CAMKMT: variants seen among roughly 807,000 people sequenced by gnomAD.
CAMKMT encodes calmodulin-lysine N-methyltransferase.
CAMKMT carries 53 observed loss-of-function variants against 48.0 expected under a neutral mutation model. That is an observed-to-expected ratio of 1.10 (90% CI 0.89 to 1.39). The LOEUF (loss-of-function observed/expected upper bound fraction) is 1.39, where lower values mean the gene tolerates loss of function less well. Ranked by LOEUF, CAMKMT falls within the 40% of genes most tolerant of loss-of-function variation. The probability of loss-of-function intolerance (pLI) is 0.00; values close to 1 mark genes in which losing one functional copy is unlikely to be tolerated. For synonymous variants in CAMKMT, 165 were observed against 152.3 expected (o/e 1.08, Z -0.61); for missense variants, 428 against 402.7 (o/e 1.06, Z -0.54).
chr2:44,597,154 A>C (rs1005127355), intron 3 of CAMKMT, among the ~76,000 whole-genome samples: 2 of 152,202 alleles, frequency 1.3e-5, no homozygotes, highest in Admixed American at 1.3e-4. Context: ...CCCTAAGTGC[A>C]TGATGGTTGT....
At chr2:44,596,448 CA>C (rs1468834823) in intron 3 of CAMKMT, among the ~76,000 whole-genome samples, 2 of 149,444 alleles carry the variant, frequency 1.3e-5, no homozygotes, top group Non-Finnish European at 3.0e-5. Flanking sequence ...GACTCTGTCT[CA>C]AAAAAAGAAA....
intron 3 of CAMKMT, among the ~76,000 whole-genome samples, chr2:44,429,382 A>G (rs1261722184): frequency 1.3e-5 from 2 of 151,606 alleles, no homozygotes; most frequent in South Asian, 2.1e-4. Context: ...TATTCCTACT[A>G]CTGTTTCGGT....
chr2:44,559,575 T>C (rs940672439), intron 3 of CAMKMT, among the ~76,000 whole-genome samples: 1 of 152,066 alleles, frequency 6.6e-6, no homozygotes, highest in African/African-American at 2.4e-5. Flanking sequence ...GGTCTTCAGA[T>C]TTTTCACCCT....
intron 9 of CAMKMT, among the ~76,000 whole-genome samples, chr2:44,759,343 A>C (rs1680513127): frequency 6.6e-6 from 1 of 150,592 alleles, no homozygotes; most frequent in Non-Finnish European, 1.5e-5. Context: ...CTGGTCTTGA[A>C]CTCCTGGGCT....
chr2:44,484,734 A>G (rs1281489719), intron 3 of CAMKMT, among the ~76,000 whole-genome samples: 1 of 151,706 alleles, frequency 6.6e-6, no homozygotes, highest in Non-Finnish European at 1.5e-5. Context: ...AAATTGGTCT[A>G]TGTTATAATT....
intron 3 of CAMKMT, among the ~76,000 whole-genome samples, chr2:44,507,479 T>C (rs115900800): frequency 6.1e-4 from 93 of 152,326 alleles, no homozygotes; most frequent in Non-Finnish European, 1.1e-3. Context: ...CTACTTCTAA[T>C]TGGTGTACTG....
chr2:44,717,499 T>C (rs980149360), intron 7 of CAMKMT, among the ~76,000 whole-genome samples: 2 of 152,086 alleles, frequency 1.3e-5, no homozygotes, highest in Non-Finnish European at 2.9e-5. Context: ...ACCAGTACAA[T>C]GTGATGAAAG....
chr2:44,715,616 T>C (rs112557850), intron 7 of CAMKMT, among the ~76,000 whole-genome samples: 17 of 152,320 alleles, frequency 1.1e-4, no homozygotes, highest in African/African-American at 4.1e-4. Flanking sequence ...TTTATGATTA[T>C]ACAGTATGAG....
At chr2:44,453,901 A>T (rs934406083) in intron 3 of CAMKMT, among the ~76,000 whole-genome samples, 1 of 152,086 alleles carries the variant, frequency 6.6e-6, no homozygotes, top group Non-Finnish European at 1.5e-5. Flanking sequence ...AGAGTTTAAA[A>T]CAAGTAGTTT....
chr2:44,607,949 T>A (rs1431645774), intron 3 of CAMKMT, among the ~76,000 whole-genome samples: 3 of 152,026 alleles, frequency 2.0e-5, no homozygotes, highest in Non-Finnish European at 4.4e-5. Context: ...TCCACTTATA[T>A]CTCCATTCAC....
intron 7 of CAMKMT, among the ~76,000 whole-genome samples, chr2:44,724,058 C>G (rs1451849167): frequency 6.6e-6 from 1 of 152,150 alleles, no homozygotes; most frequent in Non-Finnish European, 1.5e-5. Context: ...TGTCACTTCT[C>G]TGGAATGGCA....
intron 2 of CAMKMT, among the ~76,000 whole-genome samples, chr2:44,388,934 G>T (rs1395439137): frequency 4.6e-5 from 7 of 152,160 alleles, no homozygotes; most frequent in Admixed American, 3.3e-4. Context: ...TGGAGTCCGT[G>T]AGGGTTCTTA....
rs376464292 is a variant in CAMKMT, at chr2:44,641,494, A to G, written c.377-62789A>G. Among the ~76,000 whole-genome samples, 72 of 151,888 alleles carry G rather than the reference A, an allele frequency of 4.7e-4. 1 individual carries two copies. In the South Asian group the frequency reaches 0.013, roughly 28 times the overall value. ...TAGACTCAAACACATGCATGTGACAATCATTTTTTGTTGCTGTTATAGAGC... is the reference window on the plus strand; with the variant it reads ...TAGACTCAAACACATGCATGTGACAGTCATTTTTTGTTGCTGTTATAGAGC... On this transcript the variant is annotated intron_variant, in intron 3 of 10. Transcript: ENST00000378494.
chr2:44,406,805 C>T (rs1314465827), intron 3 of CAMKMT, among the ~76,000 whole-genome samples: 1 of 152,132 alleles, frequency 6.6e-6, no homozygotes, highest in African/African-American at 2.4e-5. Context: ...CTCCATGTTG[C>T]CCAGCCAGGC....
intron 3 of CAMKMT, among the ~76,000 whole-genome samples, chr2:44,453,693 G>A (rs1309062821): frequency 3.3e-5 from 5 of 152,038 alleles, no homozygotes; most frequent in Non-Finnish European, 7.4e-5. Context: ...TGTCCATTTT[G>A]TGGAGAGGGG....
chr2:44,725,802 T>A (rs1678750048), intron 7 of CAMKMT, among the ~76,000 whole-genome samples: 1 of 151,636 alleles, frequency 6.6e-6, no homozygotes, highest in African/African-American at 2.4e-5. Context: ...ACAGAGCACA[T>A]GAAGGGACTT....
intron 3 of CAMKMT, among the ~76,000 whole-genome samples, chr2:44,439,356 C>T (rs904051959): frequency 3.3e-5 from 5 of 152,164 alleles, no homozygotes; most frequent in African/African-American, 1.2e-4. Context: ...TCATTTCCAT[C>T]AGCAAACAAA....
intron 3 of CAMKMT, among the ~76,000 whole-genome samples, chr2:44,602,062 G>A (rs1477487545): frequency 6.6e-6 from 1 of 151,976 alleles, no homozygotes; most frequent in Admixed American, 6.6e-5. Flanking sequence ...CTGGAGTGTA[G>A]TGGTGCCATC....
chr2:44,738,726 T>G (rs1271932577), intron 7 of CAMKMT, among the ~76,000 whole-genome samples: 1 of 152,188 alleles, frequency 6.6e-6, no homozygotes, highest in Non-Finnish European at 1.5e-5. Context: ...TTAGTTATAT[T>G]GCACATTAAA....
Sources: gnomAD v4.1 joint callset for allele counts (sites outside exome capture counted in the v4.1 genomes callset) on GRCh38, gnomAD v4.1.1 for gene constraint, MANE v1.5 for transcripts, NCBI Gene and HGNC (gene_info 2026-07-23, HGNC 2026-07-21) for gene names.